The following RPS6KC1 variants were observed in gnomAD, a reference collection of about 807,000 sequenced individuals.
The protein encoded by RPS6KC1 is inactive ribosomal protein S6 kinase delta-1.
Under a neutral mutation model 103.8 loss-of-function variants are expected in RPS6KC1, and 54 were observed. That is an observed-to-expected ratio of 0.52 (90% CI 0.42 to 0.65). RPS6KC1 has a LOEUF of 0.65. Among genes scored for constraint, RPS6KC1 ranks in the 30% least tolerant of loss-of-function variants. The pLI is 0.00. For synonymous variants in RPS6KC1, 439 were observed against 438.7 expected, an observed-to-expected ratio of 1.00 and a Z score of -0.01; for missense variants, 1,151 against 1,253.8, an observed-to-expected ratio of 0.92 and a Z score of 1.24.
chr1:213,226,120 G>T (rs1373762786), intron 8 of RPS6KC1, among the ~76,000 whole-genome samples: 1 of 152,046 alleles, frequency 6.6e-6, no homozygotes, highest in African/African-American at 2.4e-5. Flanking sequence ...CTACTCCGGA[G>T]GCTGAGGCAG....
chr1:213,389,442 T>C, the RPS6KC1 span, among the ~76,000 whole-genome samples: 1 of 151,952 alleles, frequency 6.6e-6, no homozygotes, highest in African/African-American at 2.4e-5. Context: ...AAGCGTGGAG[T>C]CTGCGGGCTT....
chr1:213,592,901 C>A, the RPS6KC1 span, among the ~76,000 whole-genome samples: 1 of 152,024 alleles, frequency 6.6e-6, no homozygotes, highest in Admixed American at 6.6e-5. Context: ...AAAAGATCAA[C>A]AAAGTTGTAA....
chr1:213,778,755 G>C, the RPS6KC1 span, among the ~76,000 whole-genome samples: 1 of 152,062 alleles, frequency 6.6e-6, no homozygotes, highest in Non-Finnish European at 1.5e-5. Context: ...AGCAGAACCT[G>C]TACCTTGGTG....
the RPS6KC1 span, among the ~76,000 whole-genome samples, chr1:213,604,168 A>G: frequency 1.6e-4 from 25 of 152,266 alleles, no homozygotes; most frequent in Admixed American, 1.4e-3. Context: ...TTGGTTATAT[A>G]TCCTTCCAGG....
At chr1:213,351,789 T>A in the RPS6KC1 span, among the ~76,000 whole-genome samples, 1 of 152,140 alleles carries the variant, frequency 6.6e-6, no homozygotes, top group Non-Finnish European at 1.5e-5. Flanking sequence ...GATTCTTCTC[T>A]TTTATTTTGG....
At chr1:213,779,209 C>T in the RPS6KC1 span, among the ~76,000 whole-genome samples, 1 of 152,204 alleles carries the variant, frequency 6.6e-6, no homozygotes. Context: ...GAGGTTAAAT[C>T]AGACTCATTA....
the RPS6KC1 span, among the ~76,000 whole-genome samples, chr1:213,421,203 C>T: frequency 6.7e-6 from 1 of 149,660 alleles, no homozygotes; most frequent in South Asian, 2.1e-4. Flanking sequence ...CCTCTGCCTC[C>T]AGGGTTCAAG....
intron 6 of RPS6KC1, among the ~76,000 whole-genome samples, chr1:213,136,906 C>T (rs1264670236): frequency 6.6e-6 from 1 of 152,158 alleles, no homozygotes; most frequent in Non-Finnish European, 1.5e-5. Flanking sequence ...CTATGTTGCC[C>T]AGACTGTCTT....
At chr1:213,622,286 ACT>A in the RPS6KC1 span, among the ~76,000 whole-genome samples, 1 of 147,728 alleles carries the variant, frequency 6.8e-6, no homozygotes, top group Non-Finnish European at 1.5e-5. Context: ...TTGAGATCAC[ACT>A]GTTACAGGCA....
the RPS6KC1 span, among the ~76,000 whole-genome samples, chr1:213,716,335 TGA>T: frequency 6.6e-6 from 1 of 152,108 alleles, no homozygotes; most frequent in Non-Finnish European, 1.5e-5. Flanking sequence ...TGCCTAATTC[TGA>T]GAGAAGCTTT....
intron 3 of RPS6KC1, among the ~76,000 whole-genome samples, chr1:213,080,106 CAG>C (rs1275792303): frequency 1.3e-5 from 2 of 151,636 alleles, no homozygotes; most frequent in Non-Finnish European, 2.9e-5. Context: ...TTAGTAGAGA[CAG>C]AGTTTCGCCA....
At chr1:213,091,261 CA>C (rs1558297880) in intron 3 of RPS6KC1, among the ~76,000 whole-genome samples, 1 of 151,996 alleles carries the variant, frequency 6.6e-6, no homozygotes, top group African/African-American at 2.4e-5. Flanking sequence ...GGAGTTTCAC[CA>C]TGTTAGCCAG....
At chr1:213,795,283 A>G in the RPS6KC1 span, among the ~76,000 whole-genome samples, 1 of 152,202 alleles carries the variant, frequency 6.6e-6, no homozygotes, top group Admixed American at 6.5e-5. Flanking sequence ...CTGGAATAGG[A>G]CTTTGTAACC....
At chr1:213,214,620 A>AC (rs966263728) in intron 8 of RPS6KC1, among the ~76,000 whole-genome samples, 38 of 152,106 alleles carry the variant, frequency 2.5e-4, no homozygotes, top group African/African-American at 7.5e-4. Flanking sequence ...ACTGGGAGGC[A>AC]CCCCCCAGTA....
At chr1:213,345,842 T>A in the RPS6KC1 span, among the ~76,000 whole-genome samples, 1 of 152,360 alleles carries the variant, frequency 6.6e-6, no homozygotes, top group Middle Eastern at 3.4e-3. Context: ...AATTGGCAGA[T>A]ACTTTGAGGC....
the RPS6KC1 span, among the ~76,000 whole-genome samples, chr1:213,760,261 C>G: frequency 6.6e-6 from 1 of 152,036 alleles, no homozygotes; most frequent in African/African-American, 2.4e-5. Context: ...ACACACACAC[C>G]ACAAACACCC....
chr1:213,252,780 C>G (rs1339098416), intron 12 of RPS6KC1, among the ~76,000 whole-genome samples: 1 of 152,092 alleles, frequency 6.6e-6, no homozygotes, highest in Non-Finnish European at 1.5e-5. Context: ...GTATTTACTA[C>G]TGATTATCAT....
At chr1:213,788,290 G>A in the RPS6KC1 span, among the ~76,000 whole-genome samples, 1 of 152,060 alleles carries the variant, frequency 6.6e-6, no homozygotes, top group African/African-American at 2.4e-5. Flanking sequence ...AAGACAAATG[G>A]TTTTTGTTCT....
the RPS6KC1 span, among the ~76,000 whole-genome samples, chr1:213,457,315 C>T: frequency 1.1e-4 from 17 of 152,350 alleles, no homozygotes; most frequent in African/African-American, 3.1e-4. Flanking sequence ...GCTGGCTGAC[C>T]GTGCTCTCTG....
Sources: allele counts gnomAD v4.1 joint callset (sites outside exome capture counted in the v4.1 genomes callset), GRCh38; gene constraint gnomAD v4.1.1; transcripts MANE v1.5; gene names NCBI Gene and HGNC (gene_info 2026-07-23, HGNC 2026-07-21).